The following TLE5 variants were observed in gnomAD, a reference collection of about 807,000 sequenced individuals.
The protein encoded by TLE5 is TLE family member 5, transcriptional modulator.
A neutral mutation model predicts 25.8 loss-of-function variants in TLE5; 7 were observed. The observed-to-expected ratio is 0.27, with a 90% CI of 0.15 to 0.51. TLE5 has a LOEUF of 0.51. Among genes scored for constraint, TLE5 ranks in the 20% least tolerant of loss-of-function variants. The probability of loss-of-function intolerance (pLI) is 0.97; values close to 1 mark genes in which losing one functional copy is unlikely to be tolerated. For synonymous variants in TLE5, 132 were observed against 110.5 expected, an observed-to-expected ratio of 1.20 and a Z score of -1.22; for missense variants, 149 against 250.7, an observed-to-expected ratio of 0.59 and a Z score of 2.74.
chr19:3,058,364 T>C (rs1433977177), intron 2 of TLE5, among the ~76,000 whole-genome samples: 2 of 152,110 alleles, frequency 1.3e-5, no homozygotes, highest in Non-Finnish European at 2.9e-5. Context: ...GGTGAGGAAC[T>C]GGCTCAAGGT....
rs2090198981 is a variant in TLE5 at position 3,054,194 on chromosome 19, G to C, written c.298C>G (p.His100Asp). 6.2e-7 allele frequency: 1 copy of C among 1,608,694 alleles called. No individual in the cohort carries two copies. Among genetic ancestry groups the C allele is most frequent in the Non-Finnish European group, 8.5e-7 (1 of 1,179,270 alleles). The change falls in exon 6 of 7, where the codon CAC becomes GAC. Residue 100 changes from histidine to aspartate, a missense_variant and splice_region_variant. Coordinates refer to ENST00000327141, the MANE Select transcript of TLE5 (RefSeq NM_001130.6). ...ATGGCTCCCAAGACCTGCTGCTGGT[G>C]CTGGAAGGGGGTCGGGGGAGAGGAG... ...AQVLPYLSQE[H>D]QQQVLGAIER...
intron 2 of TLE5, among the ~76,000 whole-genome samples, chr19:3,058,306 G>A (rs931606945): frequency 4.6e-5 from 7 of 152,112 alleles, no homozygotes; most frequent in South Asian, 4.1e-4. Context: ...GGCCCGCAAC[G>A]TCATTGTCAC....
intron 4 of TLE5, chr19:3,055,990 G>A: frequency 3.8e-6 from 2 of 523,486 alleles, no homozygotes; most frequent in South Asian, 2.9e-5. Flanking sequence ...ATTCCTCGGG[G>A]GTCGGCCACT....
intron 6 of TLE5, 34 bp downstream of exon 6, chr19:3,054,086 T>TCCGGGGGGGGCCCCCCC: frequency 6.6e-7 from 1 of 1,512,810 alleles, no homozygotes; most frequent in Non-Finnish European, 8.9e-7. Context: ...GGCCCACCTG[T>TCCGGGGGGGGCCCCCCC]CCCCCGCCCA....
Position 3,055,700 on chromosome 19 carries a change from C to T in TLE5, c.261G>A (p.Gly87=). The stretch of plus-strand genomic sequence containing the variant: ...GGTAGGGCAGGACCTGGGCACAAAT[C>T]CCGTTCAGCCTTTTGACGATCTCAG... The part of the protein sequence containing the change: ...KQAEIVKRLN[G]ICAQVLPYLS... Residue 87 remains glycine (G), a synonymous_variant, in exon 5 of 7, where the codon GGG becomes GGA. Coordinates refer to ENST00000327141, the MANE Select transcript of TLE5 (RefSeq NM_001130.6). 6.2e-7 allele frequency: 1 copy of T among 1,609,090 alleles called. No individual in the cohort carries two copies. Among genetic ancestry groups the T allele is most frequent in the Non-Finnish European group, 8.5e-7 (1 of 1,177,432 alleles).
At chr19:3,059,479 G>A (rs957988183) in intron 2 of TLE5, among the ~76,000 whole-genome samples, 5 of 152,128 alleles carry the variant, frequency 3.3e-5, no homozygotes, top group Admixed American at 6.5e-5. Context: ...CCGAGATCGC[G>A]CCACTGCACT....
intron 1 of TLE5, among the ~76,000 whole-genome samples, chr19:3,061,826 T>C (rs1325052014): frequency 1.4e-5 from 2 of 145,108 alleles, no homozygotes; most frequent in Non-Finnish European, 3.0e-5. Context: ...CTCGCGGGGC[T>C]TCCGGAGCGC....
At chr19:3,057,491 G>A (rs1024454308) in intron 3 of TLE5, 188 bp downstream of exon 3, 2 of 604,612 alleles carry the variant, frequency 3.3e-6, no homozygotes, top group East Asian at 5.9e-5. Context: ...CCACTGCCTC[G>A]GCCATCTGCC....
chr19:3,055,018 C>G (rs952227733), intron 5 of TLE5: 3 of 152,366 alleles, frequency 2.0e-5, no homozygotes, highest in African/African-American at 4.8e-5. Flanking sequence ...CATCCTGAGC[C>G]TCAGAACCCA....
At chr19:3,055,885 C>G in intron 4 of TLE5, 159 bp from the exon 5 acceptor site, 1 of 684,554 alleles carries the variant, frequency 1.5e-6, no homozygotes, top group Non-Finnish European at 2.3e-6. Context: ...GTGTTCGGGC[C>G]CGAGGGCAGC....
intron 5 of TLE5, chr19:3,055,279 C>T (rs151189322): frequency 4.5e-4 from 73 of 163,658 alleles, no homozygotes; most frequent in Admixed American, 2.0e-3. Context: ...AATCCCCTAA[C>T]ACCCTCTAGT....
At position 3,053,781 on chromosome 19, in the gene TLE5, T is replaced by A; in HGVS notation, c.*38A>T. On this transcript the variant is annotated 3_prime_UTR_variant, in exon 7 of 7. Coordinates refer to ENST00000327141, the MANE Select transcript of TLE5 (RefSeq NM_001130.6). ...TTTCTCTCCGTGCCTCTGTCTCCCC[T>A]CTGTCCCCCCTCCCAACCTCCCTGT... 1.9e-6 allele frequency: 3 copies of A among 1,591,408 alleles called. No homozygotes were observed. The highest frequency in any genetic ancestry group is 2.6e-6 in the Non-Finnish European group (3 of 1,163,814).
chr19:3,062,457 G>T lies in TLE5; in HGVS notation c.-257C>A. 1.5e-6 allele frequency: 1 copy of T among 665,918 alleles called. No homozygotes were observed. The highest frequency in any genetic ancestry group is 1.8e-6 in the Non-Finnish European group (1 of 542,650). The allele number at this position is 665,918 out of a possible 1,614,324, so 41.3% of individuals were successfully genotyped here. ...CCGCCGCCCGCCTCCCCGCTCCCCGGCCCCACCGCTATTGTCTAATGGCGG... is the reference window on the plus strand; with the variant it reads ...CCGCCGCCCGCCTCCCCGCTCCCCGTCCCCACCGCTATTGTCTAATGGCGG... On this transcript the variant is annotated 5_prime_UTR_variant, in exon 1 of 7. Coordinates refer to ENST00000327141, the MANE Select transcript of TLE5 (RefSeq NM_001130.6).
upstream of TLE5, chr19:3,062,610 CGGCCCGCCTCCCCGT>C (rs2090282124): frequency 2.8e-6 from 3 of 1,089,830 alleles, no homozygotes; most frequent in African/African-American, 5.0e-5. Context: ...ATCCCCACGC[CGGCCCGCCTCCCCGT>C]GGCCCGCCCG....
At chr19:3,062,634 C>A, upstream of TLE5, 1 of 1,185,330 alleles carries the variant, frequency 8.4e-7, no homozygotes, top group Non-Finnish European at 1.0e-6. Context: ...GTGGCCCGCC[C>A]GCCGCGGTGA....
chr19:3,056,108 A>G, intron 4 of TLE5: 1 of 459,560 alleles, frequency 2.2e-6, no homozygotes, highest in Non-Finnish European at 3.8e-6. Flanking sequence ...AAACACTCCC[A>G]GGGAGGCCTG....
chr19:3,057,379 C>T, intron 3 of TLE5: 2 of 421,746 alleles, frequency 4.7e-6, no homozygotes, highest in South Asian at 5.1e-5. Context: ...TGGCTGTTGG[C>T]TTTCACAGCC....
chr19:3,057,763 G>A (rs373704491), intron 2 of TLE5, 21 bp from the exon 3 acceptor site: 1 of 1,613,038 alleles, frequency 6.2e-7, no homozygotes, highest in Non-Finnish European at 8.5e-7. Flanking sequence ...ACAGGGGGGA[G>A]ATGGGGTGGT....
At chr19:3,054,930 G>C (rs1568263087) in intron 5 of TLE5, 1 of 152,384 alleles carries the variant, frequency 6.6e-6, no homozygotes, top group South Asian at 2.1e-4. Context: ...GATTGAAGAG[G>C]AAGTTACAAA....
Sources: gnomAD v4.1 joint callset for allele counts (sites outside exome capture counted in the v4.1 genomes callset) on GRCh38, gnomAD v4.1.1 for gene constraint, MANE v1.5 for transcripts, NCBI Gene and HGNC (gene_info 2026-07-23, HGNC 2026-07-21) for gene names.